The following ZNF732 variants were observed in gnomAD, a reference collection of about 807,000 sequenced individuals.
ZNF732 encodes the protein zinc finger protein 732, also known as zinc finger protein LOC654254.
ZNF732 carries 12 observed loss-of-function variants against 11.5 expected under a neutral mutation model. The ratio of observed to expected loss-of-function variants is 1.05; its 90% CI spans 0.67 to 1.70. The LOEUF is 1.70. Ranked by LOEUF, ZNF732 falls within the 40% of genes most tolerant of loss-of-function variation. ZNF732 has a pLI of 0.00. For synonymous variants in ZNF732, 231 were observed against 236.5 expected (o/e 0.98, Z 0.21); for missense variants, 702 against 676.9 (o/e 1.04, Z -0.41).
rs1553844272 is a variant in ZNF732, at chr4:305,290, C to T, written c.3+18G>A. On this transcript the variant is annotated intron_variant, in intron 1 of 3. Transcript: ENST00000419098. ...ATGAGGCCTCCCCAGCCTTGGGACG[C>T]CCTGCCCCCACACTCACCATTTCCC... 4 of 1,606,252 alleles carry T rather than the reference C, an allele frequency of 2.5e-6. No individual in the cohort carries two copies. Among genetic ancestry groups the T allele is most frequent in the African/African-American group, 1.3e-5 (1 of 74,958 alleles).
chr4:272,080 A>G lies in ZNF732; in HGVS notation c.777T>C (p.Phe259=), dbSNP rs782587584. ...SYKYEECGKA[F]NRSSTLTKHK... ...GCTTAGTAAGGGTTGAGGACCTATT[A>G]AAGGCTTTGCCACATTCTTCATATT... Residue 259 remains phenylalanine (F), a synonymous_variant, in exon 4 of 4, where the codon TTT becomes TTC. Coordinates refer to ENST00000419098, the MANE Select transcript of ZNF732 (RefSeq NM_001137608.3). 1.9e-6 allele frequency: 3 copies of G among 1,611,632 alleles called. No homozygotes were observed. In the Admixed American group the frequency reaches 5.0e-5, roughly 27 times the overall value.
chr4:272,320 G>T lies in ZNF732; in HGVS notation c.537C>A (p.Phe179Leu). 6.2e-7 allele frequency: 1 copy of T among 1,612,154 alleles called. No individual in the cohort carries two copies. Reference sequence around the variant, plus strand: ...TTCCTTGATGTTGAGTTAGGTCTGAGAACTTCTGAAATGACTTGCCACATT... The same window carrying T: ...TTCCTTGATGTTGAGTTAGGTCTGATAACTTCTGAAATGACTTGCCACATT... ...FKECGKSFQK[F>L]SDLTQHQGIH... The change falls in exon 4 of 4, where the codon TTC becomes TTA. Residue 179 changes from phenylalanine to leucine, a missense_variant. Physicochemically the swap from Phe to Leu is conservative, Grantham distance 22 (BLOSUM62 0). Transcript: ENST00000419098.
chr4:271,508 T>A lies in ZNF732; in HGVS notation c.1349A>T (p.Glu450Val), dbSNP rs782021676. ...HTGEKPYKCEECGKAFGWSAY... is the reference protein window; with the variant it reads ...HTGEKPYKCEVCGKAFGWSAY... ...AGACCATCCAAAGGCTTTGCCACAC[T>A]CTTCACATTTGTAAGGTTTCTCTCC... Residue 450 changes from glutamate (E) to valine (V), a missense_variant, in exon 4 of 4, where the codon GAG becomes GTG. Coordinates refer to ENST00000419098, the MANE Select transcript of ZNF732 (RefSeq NM_001137608.3). The A allele has an allele frequency of 1.2e-6, 2 of 1,611,366 alleles. No homozygotes were observed. Among genetic ancestry groups the A allele is most frequent in the African/African-American group, 1.3e-5 (1 of 74,882 alleles).
Position 295,525 on chromosome 4 carries a change from T to C in ZNF732, c.139A>G (p.Ile47Val), listed in dbSNP as rs781938228. The change falls in exon 3 of 4, where the codon ATC becomes GTC. Residue 47 changes from isoleucine to valine, a missense_variant. Ile to Val is a conservative substitution (Grantham distance 29). Transcript: ENST00000419098. ...YRNLISLGVA[I>V]SNPDLVIYLE... Reference sequence around the variant, plus strand: ...TAGATGACCAGGTCTGGGTTAGAGATAGCAACACCTGTTTATTTTAAAAAA... The same window carrying C: ...TAGATGACCAGGTCTGGGTTAGAGACAGCAACACCTGTTTATTTTAAAAAA... 6.8e-6 allele frequency: 11 copies of C among 1,611,750 alleles called. No individual in the cohort carries two copies. The East Asian group carries it at 1.6e-4, about 23-fold the overall frequency.
chr4:300,469 AAAAAAG>A (rs1362087825), intron 1 of ZNF732, among the ~76,000 whole-genome samples: 5 of 151,238 alleles, frequency 3.3e-5, no homozygotes, highest in African/African-American at 9.7e-5. Flanking sequence ...AAAAAAAAAA[AAAAAAG>A]AAAAGAAAAG....
chr4:273,091 A>C (rs1475854821), intron 3 of ZNF732, among the ~76,000 whole-genome samples: 3 of 152,134 alleles, frequency 2.0e-5, no homozygotes, highest in African/African-American at 7.2e-5. Context: ...TGATATACTT[A>C]GGAAGGACAG....
At chr4:276,013 T>G (rs1360456917) in intron 3 of ZNF732, among the ~76,000 whole-genome samples, 2 of 151,938 alleles carry the variant, frequency 1.3e-5, no homozygotes, top group African/African-American at 4.8e-5. Context: ...TTTAAAAATA[T>G]ATAAGATTTT....
intron 3 of ZNF732, among the ~76,000 whole-genome samples, chr4:281,115 G>GT (rs1719611628): frequency 6.6e-6 from 1 of 152,198 alleles, no homozygotes; most frequent in African/African-American, 2.4e-5. Context: ...AAGCACACCT[G>GT]TATGTGCCCC....
intron 1 of ZNF732, among the ~76,000 whole-genome samples, chr4:302,799 G>A (rs1720143816): frequency 6.6e-6 from 1 of 152,228 alleles, no homozygotes; most frequent in African/African-American, 2.4e-5. Flanking sequence ...GCTCACGCCT[G>A]TAATCCCAGC....
intron 3 of ZNF732, among the ~76,000 whole-genome samples, chr4:284,870 C>CAAAAAAA (rs1163209652): frequency 2.0e-4 from 11 of 54,762 alleles, no homozygotes; most frequent in African/African-American, 2.8e-4. Context: ...GACTCTGTCT[C>CAAAAAAA]AAAAAAAAAA....
intron 3 of ZNF732, among the ~76,000 whole-genome samples, chr4:290,922 T>C (rs1008112322): frequency 2.6e-5 from 4 of 152,124 alleles, no homozygotes; most frequent in African/African-American, 4.8e-5. Flanking sequence ...AAATAGATTA[T>C]ACAAACTGTA....
At chr4:282,204 T>C (rs1459412659) in intron 3 of ZNF732, among the ~76,000 whole-genome samples, 3 of 152,158 alleles carry the variant, frequency 2.0e-5, no homozygotes, top group African/African-American at 7.2e-5. Flanking sequence ...TAATGGTATA[T>C]AATATAAAAA....
intron 3 of ZNF732, among the ~76,000 whole-genome samples, chr4:277,885 C>T (rs1719533452): frequency 6.6e-6 from 1 of 151,892 alleles, no homozygotes; most frequent in South Asian, 2.1e-4. Flanking sequence ...TTGTTTGTAG[C>T]TAAAGAAAAC....
chr4:284,870 C>CA (rs1163209652), intron 3 of ZNF732, among the ~76,000 whole-genome samples: 1,566 of 54,270 alleles, frequency 0.029, 76 homozygotes, highest in Admixed American at 0.088. Context: ...GACTCTGTCT[C>CA]AAAAAAAAAA....
At chr4:301,449 C>G (rs1341072984) in intron 1 of ZNF732, among the ~76,000 whole-genome samples, 5 of 152,120 alleles carry the variant, frequency 3.3e-5, no homozygotes, top group African/African-American at 1.2e-4. Context: ...TTCACAATAG[C>G]AAAGACTTGG....
intron 1 of ZNF732, 49 bp from the exon 2 acceptor site, chr4:296,204 G>A (rs1186318078): frequency 6.9e-6 from 11 of 1,594,942 alleles, no homozygotes; most frequent in Non-Finnish European, 8.5e-6. Flanking sequence ...TTGACTACAG[G>A]TGAAATGAGT....
chr4:284,390 T>C (rs1719681993), intron 3 of ZNF732, among the ~76,000 whole-genome samples: 1 of 151,860 alleles, frequency 6.6e-6, no homozygotes, highest in Non-Finnish European at 1.5e-5. Flanking sequence ...AAAATAGAAA[T>C]AGGACATATC....
intron 3 of ZNF732, among the ~76,000 whole-genome samples, chr4:288,713 A>T (rs987514028): frequency 2.3e-4 from 35 of 152,188 alleles, no homozygotes; most frequent in African/African-American, 7.7e-4. Context: ...TTGGGCCATG[A>T]TGGTCCTTGA....
At chr4:277,859 ATACGT>A (rs1719533099) in intron 3 of ZNF732, among the ~76,000 whole-genome samples, 1 of 152,264 alleles carries the variant, frequency 6.6e-6, no homozygotes, top group South Asian at 2.1e-4. Flanking sequence ...TTGCTGGAAC[ATACGT>A]TAGTCCTATT....
Sources: gnomAD v4.1 joint callset for allele counts (sites outside exome capture counted in the v4.1 genomes callset) on GRCh38, gnomAD v4.1.1 for gene constraint, MANE v1.5 for transcripts, NCBI Gene and HGNC (gene_info 2026-07-23, HGNC 2026-07-21) for gene names.